Variants in RAP1A observed in about 807,000 individuals in gnomAD.
RAP1A encodes ras-related protein Rap-1A.
RAP1A carries 6 observed loss-of-function variants against 26.4 expected under a neutral mutation model. That is an observed-to-expected ratio of 0.23 (90% CI 0.12 to 0.45). The LOEUF is 0.45. Among genes scored for constraint, RAP1A ranks in the 20% least tolerant of loss-of-function variants. RAP1A has a pLI of 0.99. For missense variants in RAP1A, 121 were observed against 217.2 expected, an observed-to-expected ratio of 0.56 and a Z score of 2.78; for synonymous variants, 73 against 79.4, an observed-to-expected ratio of 0.92 and a Z score of 0.43.
chr1:111,648,294 T>G, intron 1 of RAP1A: 1 of 1,008,400 alleles, frequency 9.9e-7, no homozygotes, highest in Non-Finnish European at 1.5e-6. Flanking sequence ...GGCTTAATTC[T>G]CAGAACTTTG....
rs934309685 is a variant in RAP1A at position 111,716,553 on chromosome 1, T to C, written c.*4152T>C. On this transcript the variant is annotated 3_prime_UTR_variant, in exon 8 of 8. Transcript: ENST00000369709. ...GGGAATTGGGGATGATGTATGTTCGTTGGGCATGCTGAGAAGCGGCCTCCT... is the reference window on the plus strand; with the variant it reads ...GGGAATTGGGGATGATGTATGTTCGCTGGGCATGCTGAGAAGCGGCCTCCT... The C allele has an allele frequency of 8.5e-5, 13 of 152,182 alleles. No individual in the cohort carries two copies. Among genetic ancestry groups the C allele is most frequent in the African/African-American group, 3.1e-4 (13 of 41,440 alleles). The allele number at this position is 152,182 out of a possible 1,614,324, so 9.4% of individuals were successfully genotyped here.
intron 1 of RAP1A, among the ~76,000 whole-genome samples, chr1:111,609,691 A>C (rs965723305): frequency 6.6e-6 from 1 of 152,160 alleles, no homozygotes; most frequent in East Asian, 1.9e-4. Context: ...GCTGGAGTGC[A>C]GTGGCATGCT....
chr1:111,673,561 C>T (rs1329200343), intron 1 of RAP1A, among the ~76,000 whole-genome samples: 1 of 152,102 alleles, frequency 6.6e-6, no homozygotes, highest in Admixed American at 6.6e-5. Flanking sequence ...TAACTTGGAC[C>T]ATAATGTTAG....
intron 1 of RAP1A, among the ~76,000 whole-genome samples, chr1:111,572,437 G>A (rs138664683): frequency 1.0e-3 from 156 of 152,310 alleles, no homozygotes; most frequent in African/African-American, 2.8e-3. Flanking sequence ...CATTTACAGC[G>A]TGCATGCCTA....
rs74957931 is a variant in RAP1A, at chr1:111,691,490, T to A, written c.57+73T>A. On this transcript the variant is annotated intron_variant, in intron 2 of 7. Transcript: ENST00000369709. Reference sequence around the variant, plus strand: ...TTTTGACATTTCCTTGCTTTCAGACTTCTAGATGCCAAAGAGAAAAGGTGG... The same window carrying A: ...TTTTGACATTTCCTTGCTTTCAGACATCTAGATGCCAAAGAGAAAAGGTGG... The A allele has an allele frequency of 1.3e-3, 1,829 of 1,356,442 alleles. 19 individuals carry two copies. In the African/African-American group the frequency reaches 0.024, roughly 18 times the overall value. 84.0% of individuals were successfully genotyped at this position (1,356,442 alleles called of 1,614,324 possible). A position where few individuals can be genotyped will look rare whatever the true frequency, so the allele number is the denominator to read the frequency against.
chr1:111,607,895 G>A (rs1658830541), intron 1 of RAP1A, among the ~76,000 whole-genome samples: 3 of 141,820 alleles, frequency 2.1e-5, no homozygotes, highest in African/African-American at 5.3e-5. Flanking sequence ...TCCCGGACGG[G>A]GCGGCTGGCC....
At chr1:111,664,158 G>C (rs906698103) in intron 1 of RAP1A, among the ~76,000 whole-genome samples, 7 of 152,096 alleles carry the variant, frequency 4.6e-5, no homozygotes, top group Non-Finnish European at 1.0e-4. Flanking sequence ...TGGATCACCT[G>C]AGGTCAGGAG....
At chr1:111,691,619 C>G (rs1166950958) in intron 2 of RAP1A, among the ~76,000 whole-genome samples, 4 of 152,136 alleles carry the variant, frequency 2.6e-5, no homozygotes, top group African/African-American at 9.7e-5. Context: ...CTTATATTTA[C>G]CAAATATTTA....
chr1:111,606,123 T>A (rs956768654), intron 1 of RAP1A, among the ~76,000 whole-genome samples: 6 of 152,212 alleles, frequency 3.9e-5, no homozygotes, highest in African/African-American at 1.4e-4. Flanking sequence ...AAGGCTGGCA[T>A]GGAAGGAGAC....
At chr1:111,632,576 G>A (rs542072844) in intron 1 of RAP1A, among the ~76,000 whole-genome samples, 38 of 152,090 alleles carry the variant, frequency 2.5e-4, no homozygotes, top group South Asian at 4.1e-4. Context: ...GGGCTAGGAG[G>A]AGGTAAATTA....
intron 1 of RAP1A, among the ~76,000 whole-genome samples, chr1:111,607,038 T>TA (rs201638732): frequency 0.017 from 2,492 of 149,300 alleles, 56 homozygotes; most frequent in African/African-American, 0.057. Context: ...TTTATTTATT[T>TA]TTATTGATTA....
intron 1 of RAP1A, among the ~76,000 whole-genome samples, chr1:111,672,672 T>C (rs1661011214): frequency 6.6e-6 from 1 of 152,188 alleles, no homozygotes; most frequent in Admixed American, 6.5e-5. Context: ...CTGATGCCTT[T>C]TCTAACCTAG....
chr1:111,656,329 G>T (rs988048835), intron 1 of RAP1A, among the ~76,000 whole-genome samples: 3 of 152,102 alleles, frequency 2.0e-5, no homozygotes, highest in African/African-American at 7.2e-5. Flanking sequence ...GTTCATTCTG[G>T]ACAAATACTT....
At chr1:111,661,338 T>A (rs927771116) in intron 1 of RAP1A, among the ~76,000 whole-genome samples, 2 of 152,130 alleles carry the variant, frequency 1.3e-5, no homozygotes, top group Non-Finnish European at 2.9e-5. Flanking sequence ...AAAGATTGGA[T>A]GTAGGGAGAT....
rs1378419840 is a variant in RAP1A at position 111,714,371 on chromosome 1, C to CA, written c.*1971dup. ...ATACCTTTAAACTTAAGATCATAGA[C>CA]AGACATCTCATCAACCAGTAAAACT... On this transcript the variant is annotated 3_prime_UTR_variant, in exon 8 of 8. Coordinates refer to ENST00000369709, the MANE Select transcript of RAP1A (RefSeq NM_002884.4). 25 of 152,182 alleles carry CA rather than the reference C, an allele frequency of 1.6e-4. No individual in the cohort carries two copies. Among genetic ancestry groups the CA allele is most frequent in the African/African-American group, 6.0e-4 (25 of 41,436 alleles). 9.4% of individuals were successfully genotyped at this position (152,182 alleles called of 1,614,324 possible).
intron 1 of RAP1A, among the ~76,000 whole-genome samples, chr1:111,647,904 G>A (rs1201382569): frequency 6.6e-6 from 1 of 152,000 alleles, no homozygotes; most frequent in Admixed American, 6.6e-5. Flanking sequence ...TTTAACTGTA[G>A]TTTCTTCCTT....
At position 111,697,464 on chromosome 1, in the gene RAP1A, G is replaced by A; in HGVS notation, c.150G>A (p.Gln50=). 1.2e-6 allele frequency: 2 copies of A among 1,612,490 alleles called. No individual in the cohort carries two copies. Among genetic ancestry groups the A allele is most frequent in the Non-Finnish European group, 1.7e-6 (2 of 1,179,532 alleles). The change falls in exon 4 of 8, where the codon CAG becomes CAA. Residue 50 remains glutamine, a synonymous_variant. Coordinates refer to ENST00000369709, the MANE Select transcript of RAP1A (RefSeq NM_002884.4). Reference sequence around the variant, plus strand: ...AGCAAGTTGAAGTCGATTGCCAACAGTGTATGCTCGAAATCCTGGATACTG... The same window carrying A: ...AGCAAGTTGAAGTCGATTGCCAACAATGTATGCTCGAAATCCTGGATACTG... ...YRKQVEVDCQ[Q]CMLEILDTAG...
At chr1:111,590,576 A>G (rs1181758327) in intron 1 of RAP1A, among the ~76,000 whole-genome samples, 1 of 152,126 alleles carries the variant, frequency 6.6e-6, no homozygotes, top group African/African-American at 2.4e-5. Flanking sequence ...AAATTATAAT[A>G]ATACATTTTC....
intron 1 of RAP1A, among the ~76,000 whole-genome samples, chr1:111,635,679 C>T (rs1659707000): frequency 6.6e-6 from 1 of 152,120 alleles, no homozygotes; most frequent in Non-Finnish European, 1.5e-5. Context: ...AATTCTCATG[C>T]CTCAGCCTCC....
Sources: gnomAD v4.1 joint callset for allele counts (sites outside exome capture counted in the v4.1 genomes callset) on GRCh38, gnomAD v4.1.1 for gene constraint, MANE v1.5 for transcripts, NCBI Gene and HGNC (gene_info 2026-07-23, HGNC 2026-07-21) for gene names.